The following COL23A1 variants were observed in gnomAD, a reference collection of about 807,000 sequenced individuals.
COL23A1 encodes collagen alpha-1(XXIII) chain.
Under a neutral mutation model 99.3 loss-of-function variants are expected in COL23A1, and 97 were observed. The ratio of observed to expected loss-of-function variants is 0.98; its 90% CI spans 0.83 to 1.16. The LOEUF is 1.16. Ranked by LOEUF, COL23A1 falls within the 50% of genes most tolerant of loss-of-function variation. The pLI, the probability that COL23A1 is intolerant of heterozygous loss-of-function variation, is 0.00. For synonymous variants in COL23A1, 320 were observed against 308.2 expected (o/e 1.04, Z -0.40); for missense variants, 762 against 757.4 (o/e 1.01, Z -0.07).
At chr5:178,349,579 T>C (rs1247408886) in intron 2 of COL23A1, among the ~76,000 whole-genome samples, 4 of 146,142 alleles carry the variant, frequency 2.7e-5, no homozygotes, top group Middle Eastern at 3.6e-3. Flanking sequence ...TGCCTCCCGC[T>C]TCCTGCCTCA....
At chr5:178,276,148 C>T (rs542870384) in intron 5 of COL23A1, among the ~76,000 whole-genome samples, 6 of 152,188 alleles carry the variant, frequency 3.9e-5, no homozygotes, top group East Asian at 1.9e-4. Context: ...GCTCATCTGC[C>T]GGGAAAAGCC....
At chr5:178,262,526 G>C (rs1765690224) in intron 9 of COL23A1, among the ~76,000 whole-genome samples, 1 of 152,176 alleles carries the variant, frequency 6.6e-6, no homozygotes, top group Non-Finnish European at 1.5e-5. Flanking sequence ...ATTTGACTGG[G>C]GGGGGACCCT....
At chr5:178,517,568 G>GTTT (rs70997606) in intron 2 of COL23A1, among the ~76,000 whole-genome samples, 2 of 108,248 alleles carry the variant, frequency 1.8e-5, no homozygotes. Flanking sequence ...TTTTTTTTTT[G>GTTT]TTTTTTTTTT....
intron 2 of COL23A1, among the ~76,000 whole-genome samples, chr5:178,424,184 A>G (rs2127802686): frequency 6.6e-6 from 1 of 152,334 alleles, no homozygotes; most frequent in East Asian, 1.9e-4. Context: ...GCAGCTATTC[A>G]TTCATGCATC....
intron 2 of COL23A1, among the ~76,000 whole-genome samples, chr5:178,474,418 G>A (rs1460074001): frequency 6.6e-6 from 1 of 152,136 alleles, no homozygotes; most frequent in Non-Finnish European, 1.5e-5. Context: ...CTATTCCTTG[G>A]TCTTACTCAT....
intron 2 of COL23A1, among the ~76,000 whole-genome samples, chr5:178,364,821 C>G (rs1269117141): frequency 6.6e-6 from 1 of 152,198 alleles, no homozygotes; most frequent in East Asian, 1.9e-4. Flanking sequence ...CAGGGGCTCC[C>G]CCTCACCTAT....
chr5:178,256,611 C>T (rs535581611), intron 14 of COL23A1, among the ~76,000 whole-genome samples: 7 of 152,326 alleles, frequency 4.6e-5, no homozygotes, highest in Non-Finnish European at 5.9e-5. Context: ...GAGATGGGGA[C>T]GCTGGTGTCC....
chr5:178,517,321 A>G (rs545349216), intron 2 of COL23A1, among the ~76,000 whole-genome samples: 23 of 152,264 alleles, frequency 1.5e-4, no homozygotes, highest in Non-Finnish European at 2.9e-4. Context: ...AAAAAGCAAT[A>G]GCCCCACACC....
chr5:178,298,725 GACA>G (rs1347293127), intron 3 of COL23A1, among the ~76,000 whole-genome samples: 1 of 152,194 alleles, frequency 6.6e-6, no homozygotes, highest in African/African-American at 2.4e-5. Flanking sequence ...CCAGAATAAA[GACA>G]ACAACCTTCA....
At chr5:178,483,670 C>CCT (rs1402769313) in intron 2 of COL23A1, among the ~76,000 whole-genome samples, 1 of 152,214 alleles carries the variant, frequency 6.6e-6, no homozygotes, top group East Asian at 1.9e-4. Context: ...GGCATGAAGC[C>CCT]CTCTCCCATA....
At chr5:178,498,210 ATATATAT>A (rs1758302070) in intron 2 of COL23A1, among the ~76,000 whole-genome samples, 1 of 16,516 alleles carries the variant, frequency 6.1e-5, no homozygotes, top group Admixed American at 5.2e-4. Flanking sequence ...ATTTAAATAT[ATATATAT>A]ATATATATAT....
chr5:178,379,626 A>C (rs1763266779), intron 2 of COL23A1, among the ~76,000 whole-genome samples: 1 of 152,238 alleles, frequency 6.6e-6, no homozygotes, highest in South Asian at 2.1e-4. Context: ...TCACACCTGT[A>C]ATCCCAGGAC....
intron 3 of COL23A1, among the ~76,000 whole-genome samples, chr5:178,295,937 G>A (rs1296072966): frequency 6.6e-6 from 1 of 152,258 alleles, no homozygotes; most frequent in Admixed American, 6.5e-5. Context: ...GCAAGGAAGT[G>A]GTCATCAGGG....
At chr5:178,518,584 G>A (rs1416553250) in intron 2 of COL23A1, among the ~76,000 whole-genome samples, 1 of 146,312 alleles carries the variant, frequency 6.8e-6, no homozygotes, top group Non-Finnish European at 1.5e-5. Context: ...CCCAGATGGG[G>A]CGGCGGGGCA....
intron 2 of COL23A1, among the ~76,000 whole-genome samples, chr5:178,540,831 G>A (rs1168477970): frequency 6.6e-6 from 1 of 152,216 alleles, no homozygotes; most frequent in Non-Finnish European, 1.5e-5. Context: ...GGGGGCTGAG[G>A]TGGGAGGATC....
At chr5:178,262,104 A>G in intron 10 of COL23A1, 113 bp downstream of exon 10, 1 of 1,158,734 alleles carries the variant, frequency 8.6e-7, no homozygotes. Context: ...GCGCGCGCAC[A>G]CACATAAACA....
rs899443673 is a variant in COL23A1 at position 178,544,596 on chromosome 5, G to C, written c.361+16086C>G. ...TCCCTCCTGGGTACAGCTGACATGT[G>C]AGCAAGCACTTTGGCCAGCACAGCC... On this transcript the variant is annotated intron_variant, in intron 2 of 28. Transcript: ENST00000390654. This position sits in a 1 kb window ranked among gnomAD's most constrained non-coding sequence, Gnocchi z 4.4. Among the ~76,000 whole-genome samples, 1 of 152,212 alleles carries C rather than the reference G, an allele frequency of 6.6e-6. No homozygotes were observed. Among genetic ancestry groups the C allele is most frequent in the Non-Finnish European group, 1.5e-5 (1 of 68,040 alleles).
chr5:178,498,407 A>C (rs972996686), intron 2 of COL23A1, among the ~76,000 whole-genome samples: 1 of 151,854 alleles, frequency 6.6e-6, no homozygotes, highest in African/African-American at 2.4e-5. Flanking sequence ...GTTGAAAAAA[A>C]AGTATCTGAC....
intron 2 of COL23A1, among the ~76,000 whole-genome samples, chr5:178,452,572 T>C (rs1248314278): frequency 2.0e-5 from 3 of 152,240 alleles, no homozygotes; most frequent in East Asian, 1.9e-4. Context: ...TGGGAAGAAA[T>C]ACACTCCATT....
Sources: allele counts gnomAD v4.1 joint callset (sites outside exome capture counted in the v4.1 genomes callset), GRCh38; gene constraint gnomAD v4.1.1; non-coding constraint Gnocchi (gnomAD v3.1); transcripts MANE v1.5; gene names NCBI Gene and HGNC (gene_info 2026-07-23, HGNC 2026-07-21).